Variants in MAF observed in about 807,000 individuals in gnomAD.
The protein encoded by MAF is MAF bZIP transcription factor.
MAF carries 10 observed loss-of-function variants against 22.0 expected under a neutral mutation model. That is an observed-to-expected ratio of 0.45 (90% confidence interval 0.28 to 0.77). The LOEUF (loss-of-function observed/expected upper bound fraction) is 0.77. MAF is among the 30% of genes least tolerant of loss of function. MAF has a pLI of 0.12. For synonymous variants in MAF, 337 were observed against 255.8 expected, an observed-to-expected ratio of 1.32 and a Z score of -3.03; for missense variants, 544 against 548.4, an observed-to-expected ratio of 0.99 and a Z score of 0.08.
At chr16:79,365,883 G>A in the MAF span, among the ~76,000 whole-genome samples, 2 of 152,164 alleles carry the variant, frequency 1.3e-5, no homozygotes, top group Admixed American at 6.5e-5. Flanking sequence ...AAAACATGTG[G>A]ACTGGGTTTA....
chr16:79,534,603 A>C, the MAF span, among the ~76,000 whole-genome samples: 1 of 138,844 alleles, frequency 7.2e-6, no homozygotes, highest in Non-Finnish European at 1.6e-5. Flanking sequence ...GGGGGGAGGG[A>C]GGAGGGATAG....
At chr16:79,214,713 T>TC in the MAF span, among the ~76,000 whole-genome samples, 1 of 124,574 alleles carries the variant, frequency 8.0e-6, no homozygotes, top group Non-Finnish European at 1.8e-5. Context: ...CTTTTTTTTT[T>TC]TTTTTTTTTT....
chr16:79,216,942 T>A, the MAF span, among the ~76,000 whole-genome samples: 1 of 152,018 alleles, frequency 6.6e-6, no homozygotes, highest in African/African-American at 2.4e-5. Context: ...CCTGAATAGC[T>A]GGAATTACAG....
the MAF span, among the ~76,000 whole-genome samples, chr16:79,433,621 A>C: frequency 3.9e-5 from 6 of 152,200 alleles, no homozygotes; most frequent in African/African-American, 1.4e-4. Flanking sequence ...TCAGATTATG[A>C]TAGAAAAGCT....
the MAF span, among the ~76,000 whole-genome samples, chr16:79,544,268 T>G: frequency 6.6e-6 from 1 of 152,186 alleles, no homozygotes; most frequent in African/African-American, 2.4e-5. Flanking sequence ...TAAATAGAAC[T>G]AAGCCTTCAG....
chr16:79,551,121 C>A, the MAF span, among the ~76,000 whole-genome samples: 1 of 152,116 alleles, frequency 6.6e-6, no homozygotes, highest in African/African-American at 2.4e-5. Context: ...CCTTGAGGAA[C>A]TACTGTACCT....
At chr16:79,267,200 C>A in the MAF span, among the ~76,000 whole-genome samples, 6 of 152,190 alleles carry the variant, frequency 3.9e-5, no homozygotes, top group Admixed American at 2.0e-4. Flanking sequence ...GAAGTTCTGT[C>A]CATGAAGATT....
chr16:79,552,720 G>A, the MAF span, among the ~76,000 whole-genome samples: 1 of 152,116 alleles, frequency 6.6e-6, no homozygotes, highest in Non-Finnish European at 1.5e-5. Flanking sequence ...AGCTGGTTCT[G>A]GGTTCTTCCC....
At chr16:79,553,823 T>C in the MAF span, among the ~76,000 whole-genome samples, 11 of 152,198 alleles carry the variant, frequency 7.2e-5, no homozygotes, top group Non-Finnish European at 1.5e-5. Flanking sequence ...GTGTGGTGGC[T>C]CATGCCTGTA....
the MAF span, among the ~76,000 whole-genome samples, chr16:79,228,736 G>C: frequency 6.6e-6 from 1 of 151,992 alleles, no homozygotes; most frequent in African/African-American, 2.4e-5. Flanking sequence ...TTTCCACTTA[G>C]GCTGAGTTAC....
chr16:79,250,004 G>T, the MAF span, among the ~76,000 whole-genome samples: 2 of 152,124 alleles, frequency 1.3e-5, no homozygotes, highest in African/African-American at 4.8e-5. Context: ...CTCTGGCCTG[G>T]CCTCCTACAT....
intron 1 of MAF, chr16:79,595,769 T>C (rs1913482400): frequency 3.8e-6 from 4 of 1,056,882 alleles, no homozygotes; most frequent in African/African-American, 3.3e-5. Context: ...TCTGAAATCA[T>C]TACTAGCTCA....
At chr16:79,501,267 G>GTA in the MAF span, among the ~76,000 whole-genome samples, 1 of 152,128 alleles carries the variant, frequency 6.6e-6, no homozygotes, top group African/African-American at 2.4e-5. Context: ...TTTTCCCTCT[G>GTA]TATCTGTCTT....
the MAF span, chr16:79,203,031 T>A: frequency 6.6e-6 from 1 of 152,234 alleles, no homozygotes; most frequent in Admixed American, 6.5e-5. Flanking sequence ...TGCTTTAAAA[T>A]GCTCACTAAC....
chr16:79,590,596 C>T (rs80148058), downstream of MAF, among the ~76,000 whole-genome samples: 12 of 152,086 alleles, frequency 7.9e-5, no homozygotes, highest in South Asian at 2.5e-3. Context: ...AGGGTGCAGA[C>T]CCTGGTGCTA....
At chr16:79,416,625 T>G in the MAF span, among the ~76,000 whole-genome samples, 1 of 151,524 alleles carries the variant, frequency 6.6e-6, no homozygotes, top group African/African-American at 2.4e-5. Context: ...GATGAAGAAA[T>G]AGAAAGGAAA....
At chr16:79,340,093 C>T in the MAF span, among the ~76,000 whole-genome samples, 15 of 152,204 alleles carry the variant, frequency 9.9e-5, no homozygotes, top group South Asian at 2.1e-4. Context: ...CAAATTACTA[C>T]GGGGAACTCT....
chr16:79,507,627 A>G, the MAF span, among the ~76,000 whole-genome samples: 2 of 145,140 alleles, frequency 1.4e-5, no homozygotes, highest in African/African-American at 2.6e-5. Flanking sequence ...GGGTTTCACT[A>G]TGTTAGCCAG....
the MAF span, among the ~76,000 whole-genome samples, chr16:79,429,732 G>T: frequency 1.1e-4 from 16 of 152,216 alleles, no homozygotes; most frequent in South Asian, 2.3e-3. Flanking sequence ...AAAAAAACAT[G>T]ACCCCTTTGG....
Sources: allele counts gnomAD v4.1 joint callset (sites outside exome capture counted in the v4.1 genomes callset), GRCh38; gene constraint gnomAD v4.1.1; transcripts MANE v1.5; gene names NCBI Gene and HGNC (gene_info 2026-07-23, HGNC 2026-07-21).